ADAM15: variants seen among roughly 807,000 people sequenced by gnomAD.
ADAM15 encodes ADAM metallopeptidase domain 15, also known as disintegrin and metalloproteinase domain-containing protein 15.
ADAM15 carries 77 observed loss-of-function variants against 113.8 expected under a neutral mutation model. The ratio of observed to expected loss-of-function variants is 0.68; its 90% CI spans 0.56 to 0.82. The LOEUF is 0.82. ADAM15 is among the 40% of genes least tolerant of loss of function. The pLI is 0.00. For synonymous variants in ADAM15, 388 were observed against 454.1 expected (o/e 0.85, Z 1.85); for missense variants, 963 against 1,120.1 (o/e 0.86, Z 2.00).
At chr1:155,059,390 A>G (rs565862597) in intron 16 of ADAM15, among the ~76,000 whole-genome samples, 286 of 152,222 alleles carry the variant, frequency 1.9e-3, no homozygotes, top group Admixed American at 4.4e-3. Context: ...TTGGGAGGCC[A>G]AGGCAGGAGG....
chr1:155,057,113 C>A lies in ADAM15; in HGVS notation c.1148+12C>A. On this transcript the variant is annotated intron_variant, in intron 11 of 22. Coordinates refer to ENST00000356955, the MANE Select transcript of ADAM15 (RefSeq NM_207197.3). This position sits in a 1 kb window ranked among gnomAD's most constrained non-coding sequence, Gnocchi z 5.0. ...GAGGCCTCCACAGAGTAAGTAGCTGCAGGATGGAGAGAGGGTGTGGGGCAG... is the reference window on the plus strand; with the variant it reads ...GAGGCCTCCACAGAGTAAGTAGCTGAAGGATGGAGAGAGGGTGTGGGGCAG... 1 of 1,569,338 alleles carries A rather than the reference C, an allele frequency of 6.4e-7. No individual in the cohort carries two copies. The highest frequency in any genetic ancestry group is 8.7e-7 in the Non-Finnish European group (1 of 1,155,672).
In ADAM15 at chr1:155,057,977, G is replaced by A. The variant is rs1056634306; in HGVS notation, c.1543G>A (p.Gly515Arg). Residue 515 changes from glycine to arginine, a missense_variant, in exon 14 of 23, where the codon GGG (glycine) becomes AGG (arginine). Transcript: ENST00000356955. The surrounding 1 kb of genome is among the most constrained non-coding windows in gnomAD (Gnocchi z 5.0). ...SLGDGEPCAG[G>R]QAVCMHGRCA... The stretch of plus-strand genomic sequence containing the variant: ...AGGGGATGGCGAGCCCTGCGCTGGC[G>A]GGCAAGCTGTGTGCATGCACGGGCG... 11 of 1,613,006 alleles carry A rather than the reference G, an allele frequency of 6.8e-6. No individual in the cohort carries two copies. Among genetic ancestry groups the A allele is most frequent in the Middle Eastern group, 3.3e-4 (2 of 6,062 alleles).
In ADAM15 at chr1:155,062,450, C is replaced by G. The variant is rs1260885121; in HGVS notation, c.2550-10C>G. Reference sequence around the variant, plus strand: ...CTCTGACTCTTTTTTCTTGGCTTCCCGCAATCCAGACCAGCGCCACCGCCT... The same window carrying G: ...CTCTGACTCTTTTTTCTTGGCTTCCGGCAATCCAGACCAGCGCCACCGCCT... On this transcript the variant is annotated splice_polypyrimidine_tract_variant and intron_variant, in intron 22 of 22. Coordinates refer to ENST00000356955, the MANE Select transcript of ADAM15 (RefSeq NM_207197.3). The surrounding 1 kb of genome is among the most constrained non-coding windows in gnomAD (Gnocchi z 7.0). The G allele has an allele frequency of 1.2e-6, 2 of 1,613,140 alleles. No individual in the cohort carries two copies. Among genetic ancestry groups the G allele is most frequent in the Non-Finnish European group, 1.7e-6 (2 of 1,179,954 alleles).
rs547553325 is a variant in ADAM15, at chr1:155,052,428, G to C, written c.80-243G>C. The C allele has an allele frequency of 2.7e-4, 377 of 1,420,514 alleles. No individual in the cohort carries two copies. The African/African-American group carries it at 4.5e-3, about 17-fold the overall frequency. 88.0% of individuals were successfully genotyped at this position (1,420,514 alleles called of 1,614,324 possible). ...CGGAAGGGGACAAGGAGGGCCACAG[G>C]CTGCGCAAGCCGAAAGTCTTTCTTG... On this transcript the variant is annotated intron_variant, in intron 1 of 22. Coordinates refer to ENST00000356955, the MANE Select transcript of ADAM15 (RefSeq NM_207197.3).
chr1:155,059,251 A>G (rs1232110291), intron 16 of ADAM15, among the ~76,000 whole-genome samples: 1 of 152,094 alleles, frequency 6.6e-6, no homozygotes, highest in African/African-American at 2.4e-5. Flanking sequence ...TATTTTCAGT[A>G]GAGATGGGTT....
chr1:155,051,636 G>T, intron 1 of ADAM15, 171 bp downstream of exon 1: 1 of 553,162 alleles, frequency 1.8e-6, no homozygotes, highest in Non-Finnish European at 2.9e-6. Flanking sequence ...TGGCGATGGG[G>T]TGAAAAGAGA....
Position 155,057,126 on chromosome 1 carries a change from G to C in ADAM15, c.1148+25G>C. ...AGTAAGTAGCTGCAGGATGGAGAGA[G>C]GGTGTGGGGCAGGGGGCAGGGAGAG... On this transcript the variant is annotated intron_variant, in intron 11 of 22. Transcript: ENST00000356955. The surrounding 1 kb of genome is among the most constrained non-coding windows in gnomAD (Gnocchi z 5.0). 2 of 1,573,802 alleles carry C rather than the reference G, an allele frequency of 1.3e-6. No homozygotes were observed. The highest frequency in any genetic ancestry group is 4.5e-5 in the East Asian group (2 of 44,396).
chr1:155,061,325 C>G, intron 19 of ADAM15, 90 bp from the exon 20 acceptor site: 1 of 879,326 alleles, frequency 1.1e-6, no homozygotes, highest in Non-Finnish European at 1.8e-6. Flanking sequence ...CCCCTGCTGG[C>G]CCCCCCTGGG....
chr1:155,060,303 C>T lies in ADAM15; in HGVS notation c.2167C>T (p.Gln723Ter). Reference sequence around the variant, plus strand: ...CTACTGGTACCGTGCCCGCCTGCACCAGCGACTCTGCCAGCTCAAGGGACC... The same window carrying T: ...CTACTGGTACCGTGCCCGCCTGCACTAGCGACTCTGCCAGCTCAAGGGACC... ...ASYWYRARLHQRLCQLKGPTC... is the reference protein window; with the variant it reads ...ASYWYRARLH The change falls in exon 18 of 23, where the codon CAG becomes TAG. Residue 723 changes from glutamine to a stop codon, truncating the protein, a stop_gained. Transcript: ENST00000356955. LOFTEE classifies it high-confidence loss of function. 6.2e-7 allele frequency: 1 copy of T among 1,614,066 alleles called. No individual in the cohort carries two copies. Among genetic ancestry groups the T allele is most frequent in the Non-Finnish European group, 8.5e-7 (1 of 1,179,992 alleles).
In ADAM15 at chr1:155,057,166, C is replaced by T. The variant is rs1571614611; in HGVS notation, c.1149-22C>T. The stretch of plus-strand genomic sequence containing the variant: ...GGCAGGGAGAGGCCCCCAGCCCCAA[C>T]CTTCCTTGCCACCCTCCCCAGCTTC... On this transcript the variant is annotated intron_variant, in intron 11 of 22. Transcript: ENST00000356955. This position sits in a 1 kb window ranked among gnomAD's most constrained non-coding sequence, Gnocchi z 5.0. 7 of 1,602,766 alleles carry T rather than the reference C, an allele frequency of 4.4e-6. No homozygotes were observed. The highest frequency in any genetic ancestry group is 5.1e-6 in the Non-Finnish European group (6 of 1,172,074).
intron 1 of ADAM15, 63 bp from the exon 2 acceptor site, chr1:155,052,608 T>C: frequency 1.3e-6 from 2 of 1,555,216 alleles, no homozygotes; most frequent in Non-Finnish European, 1.7e-6. Context: ...TGAGGGCACC[T>C]GTCACCCCCA....
At position 155,058,633 on chromosome 1, in the gene ADAM15, G is replaced by A; in HGVS notation, c.1918-77G>A. 1.3e-6 allele frequency: 2 copies of A among 1,566,964 alleles called. No individual in the cohort carries two copies. Among genetic ancestry groups the A allele is most frequent in the Non-Finnish European group, 1.7e-6 (2 of 1,157,036 alleles). ...TCCCCATCTGTAAACGCAGGGTATG[G>A]CCTCAACCTTATTGGCCTCCCAGTC... On this transcript the variant is annotated intron_variant, in intron 15 of 22. Transcript: ENST00000356955. The surrounding 1 kb of genome is among the most constrained non-coding windows in gnomAD (Gnocchi z 4.3).
chr1:155,058,342 T>C lies in ADAM15; in HGVS notation c.1818T>C (p.Asn606=), dbSNP rs760078826. The C allele has an allele frequency of 1.1e-5, 18 of 1,613,918 alleles. No individual in the cohort carries two copies. The South Asian group carries it at 1.9e-4, about 17-fold the overall frequency. Residue 606 remains asparagine, a synonymous_variant, in exon 15 of 23, where the codon AAT becomes AAC. Coordinates refer to ENST00000356955, the MANE Select transcript of ADAM15 (RefSeq NM_207197.3). The surrounding 1 kb of genome is among the most constrained non-coding windows in gnomAD (Gnocchi z 4.3). ...RDLLWETIDV[N]GTELNCSWVH... is the part of the protein sequence containing the mutation. ...TACTCTGGGAGACAATAGATGTGAA[T>C]GGGACTGAGCTGAACTGCAGCTGGG... is the stretch of plus-strand genomic sequence containing the variant.
chr1:155,051,736 C>T (rs375761483), intron 1 of ADAM15: 9 of 364,876 alleles, frequency 2.5e-5, no homozygotes, highest in Non-Finnish European at 4.0e-5. Flanking sequence ...TACCAGGTAC[C>T]GAGGGGCCTG....
In ADAM15 at chr1:155,057,331, C is replaced by A; in HGVS notation, c.1292C>A (p.Pro431Gln). 6.2e-7 allele frequency: 1 copy of A among 1,614,164 alleles called. No individual in the cohort carries two copies. The part of the protein sequence containing the change: ...AAFCGNMFVE[P>Q]GEQCDCGFLD... The stretch of plus-strand genomic sequence containing the variant: ...TTCTGCGGAAATATGTTTGTGGAGC[C>A]GGGCGAGCAGTGTGACTGTGGCTTC... The change falls in exon 12 of 23, where the codon CCG becomes CAG. Residue 431 changes from proline to glutamine, a missense_variant. Pro to Gln is a moderately conservative substitution (Grantham distance 76). Transcript: ENST00000356955. This position sits in a 1 kb window ranked among gnomAD's most constrained non-coding sequence, Gnocchi z 5.0.
Position 155,051,451 on chromosome 1 carries a change from C to T in ADAM15, c.65C>T (p.Pro22Leu). The change falls in exon 1 of 23, where the codon CCG becomes CTG. Residue 22 changes from proline to leucine, a missense_variant. Transcript: ENST00000356955. ...GCGGGCAGCCCTCTGCCTTCCTGGC[C>T]GCTCCCAAATATAGGTGAGTCCTCC... is the stretch of plus-strand genomic sequence containing the variant. ...LGAGSPLPSW[P>L]LPNIGGTEEQ... The T allele has an allele frequency of 6.4e-7, 1 of 1,567,788 alleles. No homozygotes were observed. Among genetic ancestry groups the T allele is most frequent in the Non-Finnish European group, 8.6e-7 (1 of 1,161,830 alleles).
rs767166668 is a variant in ADAM15 at position 155,057,600 on chromosome 1, C to G, written c.1324-37C>G. 1.2e-6 allele frequency: 2 copies of G among 1,609,138 alleles called. No homozygotes were observed. Among genetic ancestry groups the G allele is most frequent in the Non-Finnish European group, 1.7e-6 (2 of 1,175,656 alleles). On this transcript the variant is annotated intron_variant, in intron 12 of 22. Coordinates refer to ENST00000356955, the MANE Select transcript of ADAM15 (RefSeq NM_207197.3). The surrounding 1 kb of genome is among the most constrained non-coding windows in gnomAD (Gnocchi z 5.0). ...TTGGAGGGAGGCTCACAGGCCCCACCTGCTCTGATGCCCGGCCCCCGTGCT... is the reference window on the plus strand; with the variant it reads ...TTGGAGGGAGGCTCACAGGCCCCACGTGCTCTGATGCCCGGCCCCCGTGCT...
At chr1:155,055,758 G>A (rs1661667239) in intron 6 of ADAM15, 32 bp from the exon 7 acceptor site, 1 of 1,613,686 alleles carries the variant, frequency 6.2e-7, no homozygotes, top group Middle Eastern at 1.7e-4. Flanking sequence ...CGAGCGGCAG[G>A]TTTGCCTGAT....
rs1661876649 is a variant in ADAM15, at chr1:155,057,167, C to G, written c.1149-21C>G. 3.1e-6 allele frequency: 5 copies of G among 1,603,426 alleles called. No homozygotes were observed. The highest frequency in any genetic ancestry group is 3.4e-5 in the Admixed American group (2 of 59,310). ...GCAGGGAGAGGCCCCCAGCCCCAACCTTCCTTGCCACCCTCCCCAGCTTCC... is the reference window on the plus strand; with the variant it reads ...GCAGGGAGAGGCCCCCAGCCCCAACGTTCCTTGCCACCCTCCCCAGCTTCC... On this transcript the variant is annotated intron_variant, in intron 11 of 22. Coordinates refer to ENST00000356955, the MANE Select transcript of ADAM15 (RefSeq NM_207197.3). This position sits in a 1 kb window ranked among gnomAD's most constrained non-coding sequence, Gnocchi z 5.0.
Sources: gnomAD v4.1 joint callset for allele counts (sites outside exome capture counted in the v4.1 genomes callset) on GRCh38, gnomAD v4.1.1 for gene constraint, Gnocchi (gnomAD v3.1) non-coding constraint, MANE v1.5 for transcripts, NCBI Gene and HGNC (gene_info 2026-07-23, HGNC 2026-07-21) for gene names.